Variants in MAP2 observed in about 807,000 individuals in gnomAD.
The protein encoded by MAP2 is microtubule associated protein 2, also known as microtubule-associated protein 2.
A neutral mutation model predicts 137.6 loss-of-function variants in MAP2; 14 were observed. That is an observed-to-expected ratio of 0.10 (90% CI 0.07 to 0.16). The LOEUF is 0.16. MAP2 is among the 10% of genes least tolerant of loss of function. The pLI is 1.00. For synonymous variants in MAP2, 786 were observed against 782.3 expected, an observed-to-expected ratio of 1.00 and a Z score of -0.08; for missense variants, 2,088 against 2,191.5, an observed-to-expected ratio of 0.95 and a Z score of 0.94.
chr2:209,607,116 A>G (rs2085045909), intron 3 of MAP2, among the ~76,000 whole-genome samples: 1 of 152,368 alleles, frequency 6.6e-6, no homozygotes, highest in Admixed American at 6.5e-5. Context: ...TGTCCCAGGT[A>G]CATTTCCAAG....
chr2:209,427,348 A>T (rs183561681), intron 1 of MAP2, among the ~76,000 whole-genome samples: 8 of 152,018 alleles, frequency 5.3e-5, no homozygotes, highest in Non-Finnish European at 1.0e-4. Flanking sequence ...ACAATCTCAA[A>T]TTTTTTTGTC....
chr2:209,679,681 A>G (rs973405564), intron 6 of MAP2, among the ~76,000 whole-genome samples: 1 of 152,080 alleles, frequency 6.6e-6, no homozygotes. Context: ...GAATACACTC[A>G]GTATTTTCAG....
intron 5 of MAP2, among the ~76,000 whole-genome samples, chr2:209,672,806 A>G (rs2049442819): frequency 6.6e-6 from 1 of 151,944 alleles, no homozygotes; most frequent in South Asian, 2.1e-4. Context: ...ATAACGTTGT[A>G]TAACAGTGTG....
rs752655289 is a variant in MAP2 at position 209,730,388 on chromosome 2, G to A, written c.5475G>A (p.Gln1825=). 1 of 1,613,146 alleles carries A rather than the reference G, an allele frequency of 6.2e-7. No individual in the cohort carries two copies. The highest frequency in any genetic ancestry group is 1.1e-5 in the South Asian group (1 of 90,972). Residue 1825 remains glutamine, a synonymous_variant, in exon 16 of 16, where the codon CAG becomes CAA. Coordinates refer to ENST00000682079, the MANE Select transcript of MAP2 (RefSeq NM_001375505.1). The part of the protein sequence containing the change: ...AEDVTAALAK[Q]GL ...ATGTCACTGCTGCACTCGCTAAGCA[G>A]GGCTTGTGAATATTTCTCATTTAGC...
At chr2:209,607,596 G>A (rs919434776) in intron 3 of MAP2, among the ~76,000 whole-genome samples, 4 of 152,062 alleles carry the variant, frequency 2.6e-5, no homozygotes, top group Admixed American at 1.3e-4. Flanking sequence ...CAACACACCC[G>A]GCTAATTTTT....
At chr2:209,486,571 C>A (rs1229160111) in intron 1 of MAP2, among the ~76,000 whole-genome samples, 1 of 152,162 alleles carries the variant, frequency 6.6e-6, no homozygotes, top group Non-Finnish European at 1.5e-5. Context: ...TGTCTCGGTT[C>A]ACAGTCAGGC....
intron 3 of MAP2, among the ~76,000 whole-genome samples, chr2:209,596,468 C>T (rs1462379674): frequency 6.6e-6 from 1 of 152,106 alleles, no homozygotes; most frequent in Non-Finnish European, 1.5e-5. Flanking sequence ...GAGGATAAGT[C>T]GCCAGCCCTA....
At chr2:209,579,692 C>T (rs2075964862) in intron 2 of MAP2, 1 of 152,272 alleles carries the variant, frequency 6.6e-6, no homozygotes, top group Non-Finnish European at 1.5e-5. Flanking sequence ...ATAATGCTCC[C>T]GGAGAAGGAT....
chr2:209,697,081 C>A, intron 10 of MAP2, 30 bp downstream of exon 10: 1 of 1,540,650 alleles, frequency 6.5e-7, no homozygotes, highest in Non-Finnish European at 8.7e-7. Context: ...ATGTGACTGG[C>A]AAACATAGAC....
At chr2:209,573,699 G>GT (rs1559336643) in intron 2 of MAP2, among the ~76,000 whole-genome samples, 1 of 152,092 alleles carries the variant, frequency 6.6e-6, no homozygotes, top group East Asian at 1.9e-4. Context: ...TATTCATAGA[G>GT]TTATGCACTC....
At chr2:209,530,094 A>G (rs564088832) in intron 2 of MAP2, among the ~76,000 whole-genome samples, 1 of 152,144 alleles carries the variant, frequency 6.6e-6, no homozygotes, top group African/African-American at 2.4e-5. Context: ...TGCTCTCTGT[A>G]TTTTTGCCCT....
At chr2:209,622,555 G>A (rs2153523964) in intron 3 of MAP2, among the ~76,000 whole-genome samples, 1 of 152,274 alleles carries the variant, frequency 6.6e-6, no homozygotes. Context: ...AATAAATTAT[G>A]TATAAATGTT....
Position 209,628,979 on chromosome 2 carries a change from C to G in MAP2, c.-30+3850C>G, listed in dbSNP as rs896210806. Among the ~76,000 whole-genome samples, 6 of 152,202 alleles carry G rather than the reference C, an allele frequency of 3.9e-5. No individual in the cohort carries two copies. In the South Asian group the frequency reaches 1.2e-3, roughly 32 times the overall value. ...TAAGGATTCCTTTGGTTTGTTTCAA[C>G]AGAGGCCATCACATCTGCAATGCTA... On this transcript the variant is annotated intron_variant, in intron 4 of 15. Coordinates refer to ENST00000682079, the MANE Select transcript of MAP2 (RefSeq NM_001375505.1).
chr2:209,458,334 C>A (rs1702015194), intron 1 of MAP2, among the ~76,000 whole-genome samples: 1 of 152,064 alleles, frequency 6.6e-6, no homozygotes, highest in African/African-American at 2.4e-5. Flanking sequence ...AGTTATACCA[C>A]TATTATATGA....
Position 209,653,355 on chromosome 2 carries a change from G to T in MAP2, c.185G>T (p.Gly62Val). Residue 62 changes from glycine to valine, a missense_variant, in exon 5 of 16, where the codon GGG becomes GTG. By Grantham distance (109) the Gly-to-Val change is moderately radical. Transcript: ENST00000682079. Reference sequence around the variant, plus strand: ...GAAGAGGGTGCCTTTGGAGAGCATGGGTCACAGGGCACCTATTCAAATACC... The same window carrying T: ...GAAGAGGGTGCCTTTGGAGAGCATGTGTCACAGGGCACCTATTCAAATACC... ...EDEEGAFGEH[G>V]SQGTYSNTKE... is the part of the protein sequence containing the mutation. 1 of 1,614,018 alleles carries T rather than the reference G, an allele frequency of 6.2e-7. No homozygotes were observed. Among genetic ancestry groups the T allele is most frequent in the African/African-American group, 1.3e-5 (1 of 75,006 alleles).
chr2:209,635,848 A>G (rs2093510231), intron 4 of MAP2, among the ~76,000 whole-genome samples: 2 of 152,134 alleles, frequency 1.3e-5, no homozygotes, highest in South Asian at 4.1e-4. Context: ...TCATGACATC[A>G]GAGAGCATTT....
At chr2:209,720,949 T>C (rs981748479) in intron 13 of MAP2, among the ~76,000 whole-genome samples, 71 of 152,218 alleles carry the variant, frequency 4.7e-4, no homozygotes, top group African/African-American at 1.7e-3. Context: ...TTTGATTTTT[T>C]TTTTTTTAAA....
intron 2 of MAP2, among the ~76,000 whole-genome samples, chr2:209,519,471 A>G (rs1288216254): frequency 6.6e-6 from 1 of 152,080 alleles, no homozygotes; most frequent in South Asian, 2.1e-4. Context: ...CTCCCATAGG[A>G]ACTGGGAGAT....
At chr2:209,434,417 ATTG>A (rs1486925873) in intron 1 of MAP2, among the ~76,000 whole-genome samples, 2 of 151,836 alleles carry the variant, frequency 1.3e-5, no homozygotes, top group Non-Finnish European at 2.9e-5. Context: ...GTATTTAATT[ATTG>A]TTGATTTTTG....
Sources: allele counts gnomAD v4.1 joint callset (sites outside exome capture counted in the v4.1 genomes callset), GRCh38; gene constraint gnomAD v4.1.1; transcripts MANE v1.5; gene names NCBI Gene and HGNC (gene_info 2026-07-23, HGNC 2026-07-21).